The following GNAQ variants were observed in gnomAD, a reference collection of about 807,000 sequenced individuals.
GNAQ encodes the protein guanine nucleotide-binding protein G(q) subunit alpha.
A neutral mutation model predicts 43.9 loss-of-function variants in GNAQ; 8 were observed. That is an observed-to-expected ratio of 0.18 (90% CI 0.11 to 0.33). GNAQ has a LOEUF of 0.33. Ranked by LOEUF, GNAQ falls within the 10% of genes least tolerant of loss-of-function variation. GNAQ has a pLI of 1.00. For synonymous variants in GNAQ, 155 were observed against 170.7 expected, an observed-to-expected ratio of 0.91 and a Z score of 0.71; for missense variants, 158 against 450.8, an observed-to-expected ratio of 0.35 and a Z score of 5.88.
chr9:77,866,186 C>A (rs889175764), intron 2 of GNAQ, among the ~76,000 whole-genome samples: 1 of 151,988 alleles, frequency 6.6e-6, no homozygotes, highest in Non-Finnish European at 1.5e-5. Context: ...TTAAAAAAAA[C>A]AAAAATTTAG....
In GNAQ at chr9:77,734,449, A is replaced by G. The variant is rs375277516; in HGVS notation, c.736-5782T>C. ...TAAAATACATCCTTAAATGCAAACA[A>G]GACAGTTAAGAAATAAATAAGCATG... On this transcript the variant is annotated intron_variant, in intron 5 of 6. Transcript: ENST00000286548. 1.6e-3 allele frequency among the ~76,000 whole-genome samples: 249 copies of G among 152,336 alleles called. 7 individuals carry two copies. In the South Asian group the frequency reaches 0.05, roughly 31 times the overall value.
chr9:77,760,202 A>G (rs542406684), intron 5 of GNAQ, among the ~76,000 whole-genome samples: 3 of 82,900 alleles, frequency 3.6e-5, no homozygotes, highest in African/African-American at 7.5e-5. Flanking sequence ...CATCACCACA[A>G]AAGAAAATCC....
intron 1 of GNAQ, among the ~76,000 whole-genome samples, chr9:77,977,811 G>A (rs543308469): frequency 6.6e-6 from 1 of 152,204 alleles, no homozygotes; most frequent in East Asian, 1.9e-4. Context: ...TTTTGATCAG[G>A]ATCCAACCAT....
intron 2 of GNAQ, among the ~76,000 whole-genome samples, chr9:77,841,929 A>G (rs1042931096): frequency 6.6e-6 from 1 of 152,206 alleles, no homozygotes. Context: ...GCCCAAAAGC[A>G]TGGCTTCAGT....
chr9:77,783,842 G>A (rs1359379663), intron 5 of GNAQ, among the ~76,000 whole-genome samples: 1 of 152,090 alleles, frequency 6.6e-6, no homozygotes, highest in Non-Finnish European at 1.5e-5. Context: ...TGAAGAGAGA[G>A]GATCACTGGA....
intron 2 of GNAQ, among the ~76,000 whole-genome samples, chr9:77,861,747 A>G (rs1827855872): frequency 6.6e-6 from 1 of 152,166 alleles, no homozygotes; most frequent in Non-Finnish European, 1.5e-5. Context: ...TCACGCCTAT[A>G]ATCCCCACAC....
At chr9:78,011,480 G>GA (rs566482293) in intron 1 of GNAQ, among the ~76,000 whole-genome samples, 2 of 151,766 alleles carry the variant, frequency 1.3e-5, no homozygotes, top group Non-Finnish European at 2.9e-5. Context: ...GAAAACAGAA[G>GA]AAAAAAATGG....
intron 2 of GNAQ, among the ~76,000 whole-genome samples, chr9:77,919,678 T>C (rs917678740): frequency 3.3e-5 from 5 of 152,096 alleles, no homozygotes; most frequent in African/African-American, 1.2e-4. Context: ...GTAATATGAA[T>C]GAAAGGTGGT....
chr9:77,852,297 G>T (rs75406335), intron 2 of GNAQ, among the ~76,000 whole-genome samples: 172 of 152,318 alleles, frequency 1.1e-3, no homozygotes, highest in African/African-American at 3.9e-3. Context: ...CTCAGTGCCT[G>T]CAGTGACGTC....
intron 2 of GNAQ, among the ~76,000 whole-genome samples, chr9:77,902,749 G>C (rs1350648828): frequency 6.6e-6 from 1 of 152,156 alleles, no homozygotes; most frequent in Non-Finnish European, 1.5e-5. Context: ...AATTTGAATG[G>C]AGGCTGCAAA....
chr9:77,820,390 AGTT>A (rs1408524716), intron 2 of GNAQ, among the ~76,000 whole-genome samples: 2 of 152,326 alleles, frequency 1.3e-5, no homozygotes, highest in East Asian at 1.9e-4. Context: ...GCAGAGTGAC[AGTT>A]GTTGTTTTAT....
In GNAQ at chr9:77,718,213, G is replaced by A. The variant is rs897257841; in HGVS notation, c.*3110C>T. On this transcript the variant is annotated 3_prime_UTR_variant, in exon 7 of 7. Transcript: ENST00000286548. ...CTCACCACAGGCCTCCATTACCTAA[G>A]CATCAACAATAGGAGGCCAGTGGCA... 4 of 232,742 alleles carry A rather than the reference G, an allele frequency of 1.7e-5. No individual in the cohort carries two copies. Among genetic ancestry groups the A allele is most frequent in the African/African-American group, 8.8e-5 (4 of 45,420 alleles). 14.4% of individuals were successfully genotyped at this position (232,742 alleles called of 1,614,324 possible). A position where few individuals can be genotyped will look rare whatever the true frequency, so the allele number is the denominator to read the frequency against.
At chr9:77,822,121 G>T (rs1827127351) in intron 2 of GNAQ, among the ~76,000 whole-genome samples, 1 of 152,106 alleles carries the variant, frequency 6.6e-6, no homozygotes, top group Non-Finnish European at 1.5e-5. Flanking sequence ...ACCTAGAAAG[G>T]TGCTATAAAT....
At chr9:77,724,902 C>T (rs1825374189) in intron 6 of GNAQ, among the ~76,000 whole-genome samples, 1 of 151,674 alleles carries the variant, frequency 6.6e-6, no homozygotes, top group African/African-American at 2.4e-5. Flanking sequence ...AATGTTCCAT[C>T]TTTTTCAATG....
At chr9:77,996,099 G>A (rs531470983) in intron 1 of GNAQ, among the ~76,000 whole-genome samples, 11 of 152,250 alleles carry the variant, frequency 7.2e-5, no homozygotes, top group African/African-American at 2.6e-4. Flanking sequence ...CCATTCAGAG[G>A]AGCAGAGTAC....
chr9:77,873,458 T>C (rs1289339978), intron 2 of GNAQ, among the ~76,000 whole-genome samples: 1 of 152,216 alleles, frequency 6.6e-6, no homozygotes, highest in Admixed American at 6.5e-5. Context: ...AAAGCATATA[T>C]AGGAATCCAA....
intron 1 of GNAQ, among the ~76,000 whole-genome samples, chr9:78,015,033 C>T (rs1823821296): frequency 6.6e-6 from 1 of 152,036 alleles, no homozygotes; most frequent in South Asian, 2.1e-4. Flanking sequence ...TGTCCTAGAC[C>T]CTCACATTCA....
chr9:77,765,574 T>C (rs2118354129), intron 5 of GNAQ, among the ~76,000 whole-genome samples: 1 of 152,318 alleles, frequency 6.6e-6, no homozygotes, highest in East Asian at 1.9e-4. Context: ...ACCACATTCA[T>C]TAGAATAACT....
chr9:77,851,679 T>C (rs532601588), intron 2 of GNAQ, among the ~76,000 whole-genome samples: 46 of 152,326 alleles, frequency 3.0e-4, no homozygotes, highest in African/African-American at 9.6e-4. Context: ...AGCTAACCCG[T>C]CTTCCAGTAG....
Sources: allele counts gnomAD v4.1 joint callset (sites outside exome capture counted in the v4.1 genomes callset), GRCh38; gene constraint gnomAD v4.1.1; transcripts MANE v1.5; gene names NCBI Gene and HGNC (gene_info 2026-07-23, HGNC 2026-07-21).